Variants in SVIL observed in about 807,000 individuals in gnomAD.
The protein encoded by SVIL is archvillin.
SVIL carries 101 observed loss-of-function variants against 240.4 expected under a neutral mutation model. The ratio of observed to expected loss-of-function variants is 0.42; its 90% CI spans 0.36 to 0.50. The LOEUF (loss-of-function observed/expected upper bound fraction) is 0.50. SVIL is among the 20% of genes least tolerant of loss of function. The pLI, the probability that SVIL is intolerant of heterozygous loss-of-function variation, is 0.01. For synonymous variants in SVIL, 999 were observed against 1,100.0 expected, an observed-to-expected ratio of 0.91 and a Z score of 1.82; for missense variants, 2,512 against 2,818.7, an observed-to-expected ratio of 0.89 and a Z score of 2.46.
intron 6 of SVIL, among the ~76,000 whole-genome samples, chr10:29,550,376 AG>A (rs1953184588): frequency 6.6e-6 from 1 of 151,762 alleles, no homozygotes; most frequent in South Asian, 2.1e-4. Flanking sequence ...CAGGAGTTCC[AG>A]GCTGCAGTGA....
At chr10:29,538,714 C>T (rs1269315925) in intron 6 of SVIL, among the ~76,000 whole-genome samples, 1 of 152,248 alleles carries the variant, frequency 6.6e-6, no homozygotes, top group Non-Finnish European at 1.5e-5. Context: ...CTGAGCATAT[C>T]TAAGGTAGGT....
At chr10:29,558,299 T>G (rs570291440) in intron 3 of SVIL, among the ~76,000 whole-genome samples, 10 of 152,356 alleles carry the variant, frequency 6.6e-5, no homozygotes, top group Non-Finnish European at 1.5e-5. Context: ...ATCATTTCAC[T>G]GAGGAATTAA....
chr10:29,605,695 G>C (rs2132854998), intron 1 of SVIL, among the ~76,000 whole-genome samples: 1 of 143,046 alleles, frequency 7.0e-6, no homozygotes, highest in South Asian at 2.2e-4. Flanking sequence ...TGGAAAAGTG[G>C]CTTTAAAAAA....
intron 3 of SVIL, among the ~76,000 whole-genome samples, chr10:29,645,083 C>T (rs192023254): frequency 4.1e-4 from 63 of 152,250 alleles, no homozygotes; most frequent in African/African-American, 1.5e-3. Flanking sequence ...ACAACATTCA[C>T]TTCATTTTCT....
intron 3 of SVIL, among the ~76,000 whole-genome samples, chr10:29,656,436 C>T (rs1471534283): frequency 6.6e-6 from 1 of 151,756 alleles, no homozygotes; most frequent in Non-Finnish European, 1.5e-5. Flanking sequence ...ATTATGAAAC[C>T]AACCCAACAG....
At chr10:29,490,585 T>TAAA (rs57898945) in intron 22 of SVIL, among the ~76,000 whole-genome samples, 2 of 76,250 alleles carry the variant, frequency 2.6e-5, no homozygotes, top group Admixed American at 1.3e-4. Context: ...CCCCAGTCTT[T>TAAA]AAAAAAAAAA....
At chr10:29,548,792 C>T (rs1209708035) in intron 6 of SVIL, among the ~76,000 whole-genome samples, 1 of 152,158 alleles carries the variant, frequency 6.6e-6, no homozygotes, top group Non-Finnish European at 1.5e-5. Context: ...CAGTCACCAA[C>T]AATCATCAGT....
chr10:29,637,465 C>T (rs1958350106), upstream of SVIL, among the ~76,000 whole-genome samples: 1 of 152,172 alleles, frequency 6.6e-6, no homozygotes, highest in South Asian at 2.1e-4. Flanking sequence ...TGCACTCCAG[C>T]CTGGGCCACA....
chr10:29,676,318 A>C (rs1280694015), intron 2 of SVIL, among the ~76,000 whole-genome samples: 2 of 152,124 alleles, frequency 1.3e-5, no homozygotes, highest in South Asian at 4.1e-4. Context: ...ATTACCTCTC[A>C]GTGTCACCTA....
At chr10:29,685,193 T>G (rs1287657889) in intron 2 of SVIL, among the ~76,000 whole-genome samples, 1 of 152,210 alleles carries the variant, frequency 6.6e-6, no homozygotes, top group Admixed American at 6.5e-5. Flanking sequence ...GTTCCTGCAT[T>G]AGTTTGCTAA....
intron 12 of SVIL, among the ~76,000 whole-genome samples, chr10:29,529,175 CAAAA>C (rs66523560): frequency 1.2e-4 from 8 of 66,056 alleles, no homozygotes; most frequent in African/African-American, 2.3e-4. Flanking sequence ...GACTCTCTCT[CAAAA>C]AAAAAAAAAA....
Position 29,673,180 on chromosome 10 carries a change from C to T in SVIL, c.-301+13373G>A, listed in dbSNP as rs529546532. ...TCACCCACCTTGGCCTCTCAAAGTG[C>T]GGGGATTACAGGCGTGAGCTACTGT... On this transcript the variant is annotated intron_variant, in intron 2 of 35. Transcript: ENST00000375400. Among the ~76,000 whole-genome samples, 11 of 152,120 alleles carry T rather than the reference C, an allele frequency of 7.2e-5. No homozygotes were observed. In the South Asian group the frequency reaches 1.7e-3, roughly 23 times the overall value.
rs191229786 is a variant in SVIL at position 29,725,819 on chromosome 10, A to C, written c.-400+9932T>G. Among the ~76,000 whole-genome samples the C allele has an allele frequency of 1.8e-3, 270 of 152,332 alleles. 1 individual carries two copies. Among genetic ancestry groups the C allele is most frequent in the Non-Finnish European group, 2.6e-3 (179 of 68,026 alleles). ...GAAGAATACTCAGAGAAAATGCATA[A>C]TTACAGACACTGAGGAACCGTCTAG... On this transcript the variant is annotated intron_variant, in intron 1 of 35. Transcript: ENST00000375400.
At chr10:29,492,834 T>G (rs1422064557) in intron 21 of SVIL, among the ~76,000 whole-genome samples, 1 of 152,242 alleles carries the variant, frequency 6.6e-6, no homozygotes, top group African/African-American at 2.4e-5. Flanking sequence ...TGCAAAATTA[T>G]GAGCAAGAAT....
chr10:29,522,660 G>A, intron 15 of SVIL, 25 bp from the exon 16 acceptor site: 2 of 1,607,320 alleles, frequency 1.2e-6, no homozygotes, highest in African/African-American at 1.3e-5. Flanking sequence ...AGCAACATCA[G>A]CACTGAACTC....
At chr10:29,700,453 A>G (rs919456029) in intron 1 of SVIL, among the ~76,000 whole-genome samples, 1 of 149,112 alleles carries the variant, frequency 6.7e-6, no homozygotes, top group African/African-American at 2.5e-5. Context: ...ACAGAGAAGA[A>G]ATTCTTACTA....
At chr10:29,583,987 A>G (rs139136935) in intron 1 of SVIL, among the ~76,000 whole-genome samples, 1 of 152,366 alleles carries the variant, frequency 6.6e-6, no homozygotes, top group East Asian at 1.9e-4. Context: ...ACAGAATTAG[A>G]AAACCATGAA....
At chr10:29,732,116 G>A (rs1406755804) in intron 1 of SVIL, among the ~76,000 whole-genome samples, 1 of 152,172 alleles carries the variant, frequency 6.6e-6, no homozygotes, top group South Asian at 2.1e-4. Flanking sequence ...CCTCCAATTG[G>A]TTATGCACGC....
chr10:29,541,351 A>T (rs1703356953), intron 6 of SVIL, among the ~76,000 whole-genome samples: 1 of 152,176 alleles, frequency 6.6e-6, no homozygotes, highest in South Asian at 2.1e-4. Flanking sequence ...GGATGATGGA[A>T]ATGTTTCCTA....
Sources: allele counts gnomAD v4.1 joint callset (sites outside exome capture counted in the v4.1 genomes callset), GRCh38; gene constraint gnomAD v4.1.1; transcripts MANE v1.5; gene names NCBI Gene and HGNC (gene_info 2026-07-23, HGNC 2026-07-21).